SDC4: variants seen among roughly 807,000 people sequenced by gnomAD.
The protein encoded by SDC4 is syndecan 4, also known as syndecan-4.
A neutral mutation model predicts 20.5 loss-of-function variants in SDC4; 17 were observed. The observed-to-expected ratio is 0.83, with a 90% CI of 0.57 to 1.25. The LOEUF (loss-of-function observed/expected upper bound fraction) is 1.25. Among genes scored for constraint, SDC4 ranks in the 50% most tolerant of loss-of-function variants. SDC4 has a pLI of 0.00. For synonymous variants in SDC4, 107 were observed against 105.3 expected, an observed-to-expected ratio of 1.02 and a Z score of -0.10; for missense variants, 241 against 252.3, an observed-to-expected ratio of 0.96 and a Z score of 0.30.
intron 2 of SDC4, among the ~76,000 whole-genome samples, chr20:45,335,228 A>G (rs1365367094): frequency 6.7e-6 from 1 of 149,996 alleles, no homozygotes; most frequent in African/African-American, 2.5e-5. Flanking sequence ...CCCAGGCTGG[A>G]GTGCAGTAGC....
At position 45,325,709 on chromosome 20, in the gene SDC4, T is replaced by C. The variant is rs1987674974; in HGVS notation, c.*1555A>G. 1 of 150,934 alleles carries C rather than the reference T, an allele frequency of 6.6e-6. No individual in the cohort carries two copies. Among genetic ancestry groups the C allele is most frequent in the Non-Finnish European group, 1.5e-5 (1 of 67,894 alleles). The allele number at this position is 150,934 out of a possible 1,614,324, so 9.3% of individuals were successfully genotyped here. ...GTTAAGCCAGTTTAGTTCTCTAGAA[T>C]AGTGCTGTCCAACAGATGGACATGC... On this transcript the variant is annotated 3_prime_UTR_variant, in exon 5 of 5. Transcript: ENST00000372733.
At chr20:45,336,656 G>A (rs752636484) in intron 1 of SDC4, among the ~76,000 whole-genome samples, 1 of 151,976 alleles carries the variant, frequency 6.6e-6, no homozygotes, top group African/African-American at 2.4e-5. Flanking sequence ...ACAGGGCCCT[G>A]GGATGCTACA....
chr20:45,327,828 G>C lies in SDC4; in HGVS notation c.446-413C>G, dbSNP rs2743367. 8.5e-5 allele frequency among the ~76,000 whole-genome samples: 13 copies of C among 152,336 alleles called. No homozygotes were observed. In the South Asian group the frequency reaches 2.5e-3, roughly 29 times the overall value. ...CCGGCTAATTTTTGTATTTTTAGTAGAGATAGGGTTTCACTATGTTGGCCA... is the reference window on the plus strand; with the variant it reads ...CCGGCTAATTTTTGTATTTTTAGTACAGATAGGGTTTCACTATGTTGGCCA... On this transcript the variant is annotated intron_variant, in intron 4 of 4. Coordinates refer to ENST00000372733, the MANE Select transcript of SDC4 (RefSeq NM_002999.4).
At chr20:45,331,505 C>T (rs1242224711) in intron 3 of SDC4, among the ~76,000 whole-genome samples, 1 of 152,106 alleles carries the variant, frequency 6.6e-6, no homozygotes, top group Non-Finnish European at 1.5e-5. Flanking sequence ...GGGCCGCATT[C>T]CCAGTAAGTT....
intron 3 of SDC4, among the ~76,000 whole-genome samples, chr20:45,332,381 G>C (rs369156316): frequency 6.6e-6 from 1 of 152,014 alleles, no homozygotes; most frequent in African/African-American, 2.4e-5. Context: ...GGCTGGTCTC[G>C]AACTCCTGAC....
chr20:45,346,487 ACTGCT>A (rs1441190306), intron 1 of SDC4, among the ~76,000 whole-genome samples: 1 of 152,180 alleles, frequency 6.6e-6, no homozygotes, highest in East Asian at 1.9e-4. Context: ...GACACAGCTG[ACTGCT>A]CAGCACCCTG....
intron 1 of SDC4, 70 bp from the exon 2 acceptor site, chr20:45,335,990 A>T (rs1987859274): frequency 6.5e-7 from 1 of 1,537,840 alleles, no homozygotes; most frequent in Non-Finnish European, 8.8e-7. Context: ...CCCAAAAGCT[A>T]GTGAAGTGGG....
intron 2 of SDC4, among the ~76,000 whole-genome samples, chr20:45,334,650 G>A (rs533828453): frequency 6.7e-4 from 101 of 151,752 alleles, no homozygotes; most frequent in African/African-American, 2.3e-3. Context: ...CACCACACCT[G>A]GCTAATTTTT....
chr20:45,334,023 C>A (rs1987822735), intron 2 of SDC4, among the ~76,000 whole-genome samples: 1 of 149,558 alleles, frequency 6.7e-6, no homozygotes. Context: ...GAGACAGAGT[C>A]TCTCTCTGTC....
chr20:45,344,898 G>T (rs1444869115), intron 1 of SDC4, among the ~76,000 whole-genome samples: 1 of 152,064 alleles, frequency 6.6e-6, no homozygotes, highest in African/African-American at 2.4e-5. Context: ...TAGGACCTAA[G>T]GTATCTACCT....
In SDC4 at chr20:45,327,353, A is replaced by G; in HGVS notation, c.508T>C (p.Tyr170His). ...CCTTCATCCTTCTTCTTCATACGGT[A>G]CATGAGCAGTAGGATCAGGAAGACG... ...FAVFLILLLM[Y>H]RMKKKDEGSY... Residue 170 changes from tyrosine (Y) to histidine (H), a missense_variant, in exon 5 of 5, where the codon TAC (tyrosine) becomes CAC (histidine). Coordinates refer to ENST00000372733, the MANE Select transcript of SDC4 (RefSeq NM_002999.4). 1 of 1,614,140 alleles carries G rather than the reference A, an allele frequency of 6.2e-7. No individual in the cohort carries two copies. The highest frequency in any genetic ancestry group is 8.5e-7 in the Non-Finnish European group (1 of 1,180,000).
Position 45,335,699 on chromosome 20 carries a change from C to T in SDC4, c.199+83G>A, listed in dbSNP as rs1224896905. On this transcript the variant is annotated intron_variant, in intron 2 of 4. Transcript: ENST00000372733. ...AAAAGTCCCACAAAAATCCAAGTCT[C>T]AAGGCATGGTCACCCTCCTGGCTGG... 2.1e-5 allele frequency: 31 copies of T among 1,465,974 alleles called. No individual in the cohort carries two copies. In the East Asian group the frequency reaches 2.7e-4, roughly 13 times the overall value. 90.8% of individuals were successfully genotyped at this position (1,465,974 alleles called of 1,614,324 possible). A position where few individuals can be genotyped will look rare whatever the true frequency, so the allele number is the denominator to read the frequency against.
chr20:45,340,103 G>A (rs757421424), intron 1 of SDC4, among the ~76,000 whole-genome samples: 8 of 152,144 alleles, frequency 5.3e-5, no homozygotes, highest in Non-Finnish European at 1.2e-4. Flanking sequence ...TCCACAGGCA[G>A]CAGCTGTCAT....
rs114940539 is a variant in SDC4 at position 45,330,030 on chromosome 20, A to C, written c.445+336T>G. On this transcript the variant is annotated intron_variant, in intron 4 of 4. Coordinates refer to ENST00000372733, the MANE Select transcript of SDC4 (RefSeq NM_002999.4). ...GAAGGAGCCTCCAGACTTACAAGGG[A>C]AATTAACTTTTAATGATTAACTCCC... 7.6e-3 allele frequency among the ~76,000 whole-genome samples: 1,157 copies of C among 152,274 alleles called. 17 individuals carry two copies. The highest frequency in any genetic ancestry group is 0.027 in the African/African-American group (1,120 of 41,548).
chr20:45,331,949 CTTG>C, intron 3 of SDC4, among the ~76,000 whole-genome samples: 1 of 152,216 alleles, frequency 6.6e-6, no homozygotes, highest in African/African-American at 2.4e-5. Context: ...TCTTAATAAA[CTTG>C]TTATTGCTTT....
intron 1 of SDC4, 85 bp downstream of exon 1, chr20:45,348,240 C>T: frequency 8.4e-6 from 10 of 1,192,052 alleles, no homozygotes; most frequent in East Asian, 2.6e-5. Context: ...GATCTGCCCC[C>T]CCCCATCCCA....
intron 1 of SDC4, among the ~76,000 whole-genome samples, chr20:45,337,600 G>T (rs1433099828): frequency 1.3e-5 from 2 of 152,232 alleles, no homozygotes; most frequent in African/African-American, 4.8e-5. Flanking sequence ...CATTGACAAA[G>T]GAGGGTGTCT....
At chr20:45,341,344 C>T (rs1009458502) in intron 1 of SDC4, among the ~76,000 whole-genome samples, 1 of 152,046 alleles carries the variant, frequency 6.6e-6, no homozygotes, top group African/African-American at 2.4e-5. Flanking sequence ...GCTTCTGAGC[C>T]CAGAGACTTT....
chr20:45,332,882 C>A, intron 3 of SDC4, 141 bp downstream of exon 3: 1 of 759,722 alleles, frequency 1.3e-6, no homozygotes, highest in South Asian at 1.8e-5. Context: ...CACCCCAGGG[C>A]CAGATTTTTA....
Sources: gnomAD v4.1 joint callset for allele counts (sites outside exome capture counted in the v4.1 genomes callset) on GRCh38, gnomAD v4.1.1 for gene constraint, MANE v1.5 for transcripts, NCBI Gene and HGNC (gene_info 2026-07-23, HGNC 2026-07-21) for gene names.